The following RWDD2B variants were observed in gnomAD, a reference collection of about 807,000 sequenced individuals.
The protein encoded by RWDD2B is RWD domain containing 2B, also known as RWD domain-containing protein 2B.
RWDD2B carries 36 observed loss-of-function variants against 33.6 expected under a neutral mutation model. The ratio of observed to expected loss-of-function variants is 1.07; its 90% confidence interval spans 0.82 to 1.42. RWDD2B has a LOEUF of 1.42. RWDD2B is among the 40% of genes most tolerant of loss of function. The pLI, the probability that RWDD2B is intolerant of heterozygous loss-of-function variation, is 0.00. For missense variants in RWDD2B, 364 were observed against 377.5 expected, an observed-to-expected ratio of 0.96 and a Z score of 0.30; for synonymous variants, 126 against 133.1, an observed-to-expected ratio of 0.95 and a Z score of 0.37.
In RWDD2B at chr21:29,008,551, T is replaced by C. The variant is rs368936488; in HGVS notation, c.138A>G (p.Leu46=). The C allele has an allele frequency of 6.5e-5, 105 of 1,614,060 alleles. No individual in the cohort carries two copies. The highest frequency in any genetic ancestry group is 8.6e-5 in the Non-Finnish European group (102 of 1,180,034). The change falls in exon 2 of 5, where the codon CTA becomes CTG. Residue 46 remains leucine (L), a synonymous_variant. Coordinates refer to ENST00000493196, the MANE Select transcript of RWDD2B (RefSeq NM_016940.3). The part of the protein sequence containing the change: ...AEAQLAELDL[L]ASMFPGENEL... ...CATTCTCACCAGGGAACATACTGGC[T>C]AGCAGGTCTAACTCAGCAAGCTGGG...
intron 1 of RWDD2B, among the ~76,000 whole-genome samples, chr21:29,015,227 T>TTG (rs1555851678): frequency 3.1e-4 from 43 of 137,350 alleles, no homozygotes; most frequent in African/African-American, 1.1e-3. Context: ...ATGATGCGTT[T>TTG]TTTTTTTTTT....
rs1386615552 is a variant in RWDD2B, at chr21:29,015,232, T to TG, written c.67+3978_67+3979insC. ...AAGTTTGATTATGATGCGTTTTTTT[T>TG]TTTTTTTTTTTTTTTGAGATGGGAG... On this transcript the variant is annotated intron_variant, in intron 1 of 4. Coordinates refer to ENST00000493196, the MANE Select transcript of RWDD2B (RefSeq NM_016940.3). Among the ~76,000 whole-genome samples the TG allele has an allele frequency of 3.2e-4, 45 of 140,254 alleles. No homozygotes were observed. The Middle Eastern group carries it at 0.01, about 33-fold the overall frequency. The allele number at this position is 140,254 out of a possible 152,430, so 92.0% of individuals were successfully genotyped here. A position where few individuals can be genotyped will look rare whatever the true frequency, so the allele number is the denominator to read the frequency against.
intron 1 of RWDD2B, among the ~76,000 whole-genome samples, chr21:29,011,361 G>T (rs13048721): frequency 1.5e-4 from 22 of 146,240 alleles, no homozygotes; most frequent in Admixed American, 1.3e-3. Flanking sequence ...CCGGCCACCC[G>T]GTCTGAGAAG....
chr21:29,008,174 C>A, intron 3 of RWDD2B, 51 bp from the exon 4 acceptor site: 1 of 1,609,858 alleles, frequency 6.2e-7, no homozygotes, highest in Non-Finnish European at 8.5e-7. Flanking sequence ...AAAACAAATT[C>A]GAGAATTGCT....
chr21:29,007,992 T>C lies in RWDD2B; in HGVS notation c.494A>G (p.Tyr165Cys). 1 of 1,614,234 alleles carries C rather than the reference T, an allele frequency of 6.2e-7. No individual in the cohort carries two copies. The highest frequency in any genetic ancestry group is 8.5e-7 in the Non-Finnish European group (1 of 1,180,042). Reference sequence around the variant, plus strand: ...TGAAGATGAAGTATCTCTGCTGACATAGCCAGAGGCGTGTTCTCTAACCCA... The same window carrying C: ...TGAAGATGAAGTATCTCTGCTGACACAGCCAGAGGCGTGTTCTCTAACCCA... ...TEWVREHASG[Y>C]VSRDTSSSPT... The change falls in exon 4 of 5, where the codon TAT becomes TGT. Residue 165 changes from tyrosine to cysteine, a missense_variant. Coordinates refer to ENST00000493196, the MANE Select transcript of RWDD2B (RefSeq NM_016940.3).
chr21:29,007,204 G>A (rs563270109), intron 4 of RWDD2B, among the ~76,000 whole-genome samples: 1 of 152,354 alleles, frequency 6.6e-6, no homozygotes, highest in Non-Finnish European at 1.5e-5. Flanking sequence ...ATCCATGGAA[G>A]TGGATGGGGT....
At chr21:29,008,194 A>T (rs756171058) in intron 3 of RWDD2B, 46 bp downstream of exon 3, 2 of 1,609,592 alleles carry the variant, frequency 1.2e-6, no homozygotes, top group Non-Finnish European at 1.7e-6. Flanking sequence ...TTTTATTCTC[A>T]GATTAATTTT....
Position 29,005,203 on chromosome 21 carries a change from A to C in RWDD2B, c.*1214T>G, listed in dbSNP as rs1298106335. On this transcript the variant is annotated 3_prime_UTR_variant, in exon 5 of 5. Transcript: ENST00000493196. ...TACAATTTGCCAAACAAATTTTCTA[A>C]ATTACTAATTTGATGAATTGTTGAG... is the stretch of plus-strand genomic sequence containing the variant. 1.3e-5 allele frequency: 2 copies of C among 152,210 alleles called. No homozygotes were observed. The highest frequency in any genetic ancestry group is 4.8e-5 in the African/African-American group (2 of 41,442). 9.4% of individuals were successfully genotyped at this position (152,210 alleles called of 1,614,324 possible).
rs545483108 is a variant in RWDD2B, at chr21:29,017,543, C to T, written c.67+1668G>A. 5.3e-5 allele frequency among the ~76,000 whole-genome samples: 8 copies of T among 151,818 alleles called. No individual in the cohort carries two copies. The South Asian group carries it at 8.3e-4, about 16-fold the overall frequency. On this transcript the variant is annotated intron_variant, in intron 1 of 4. Coordinates refer to ENST00000493196, the MANE Select transcript of RWDD2B (RefSeq NM_016940.3). ...AGGAGAATCGCTTGAACTGGGGAGGCGGAGGTTGCAGTGAGCTAAGATCAT... is the reference window on the plus strand; with the variant it reads ...AGGAGAATCGCTTGAACTGGGGAGGTGGAGGTTGCAGTGAGCTAAGATCAT...
chr21:29,011,802 T>C (rs1210768340), intron 1 of RWDD2B, among the ~76,000 whole-genome samples: 9 of 102,162 alleles, frequency 8.8e-5, no homozygotes, highest in Admixed American at 4.1e-4. Context: ...CCGCCCCGTC[T>C]GGGAGGTGAG....
Position 29,004,944 on chromosome 21 carries a change from G to C in RWDD2B, c.*1473C>G, listed in dbSNP as rs1020551228. On this transcript the variant is annotated 3_prime_UTR_variant, in exon 5 of 5. Coordinates refer to ENST00000493196, the MANE Select transcript of RWDD2B (RefSeq NM_016940.3). ...CAACCTTTTACTAACTTAATGCATT[G>C]TCTCTCACCCCAACTCCATTCCTTA... is the stretch of plus-strand genomic sequence containing the variant. The C allele has an allele frequency of 1.3e-5, 2 of 152,080 alleles. No individual in the cohort carries two copies. 9.4% of individuals were successfully genotyped at this position (152,080 alleles called of 1,614,324 possible).
At chr21:29,009,392 G>GTT (rs11317441) in intron 1 of RWDD2B, among the ~76,000 whole-genome samples, 29 of 116,146 alleles carry the variant, frequency 2.5e-4, no homozygotes, top group African/African-American at 7.1e-4. Flanking sequence ...GCATTTATTA[G>GTT]TTTTTTTTTT....
Position 29,005,769 on chromosome 21 carries a change from C to T in RWDD2B, c.*648G>A, listed in dbSNP as rs11170. ...AAAAAAGCCTAGAAATTAAACAAAA[C>T]TGGTTTTATTTCATAAGATGTTTAG... is the stretch of plus-strand genomic sequence containing the variant. On this transcript the variant is annotated 3_prime_UTR_variant, in exon 5 of 5. Coordinates refer to ENST00000493196, the MANE Select transcript of RWDD2B (RefSeq NM_016940.3). The T allele has an allele frequency of 0.36, 55,114 of 152,018 alleles. 11,204 individuals are homozygous for T. Among genetic ancestry groups the T allele is most frequent in the South Asian group, 0.5 (2,389 of 4,818 alleles). The allele number at this position is 152,018 out of a possible 1,614,324, so 9.4% of individuals were successfully genotyped here.
At chr21:29,006,692 AT>A (rs1244565120) in intron 4 of RWDD2B, 41 bp from the exon 5 acceptor site, 1 of 1,142,772 alleles carries the variant, frequency 8.8e-7, no homozygotes, top group Admixed American at 2.4e-5. Flanking sequence ...CAAAATGTAT[AT>A]TCTAGAGCAT....
intron 1 of RWDD2B, among the ~76,000 whole-genome samples, chr21:29,010,620 T>TAA (rs757933131): frequency 2.2e-3 from 260 of 118,888 alleles, no homozygotes; most frequent in East Asian, 0.012. Flanking sequence ...AAAATAAAAA[T>TAA]AAAAAAAAAA....
intron 1 of RWDD2B, 83 bp downstream of exon 1, chr21:29,019,128 G>T: frequency 8.5e-7 from 1 of 1,178,568 alleles, no homozygotes; most frequent in Non-Finnish European, 1.2e-6. Flanking sequence ...TGCCGGGCAC[G>T]TTCCCAAAGG....
intron 1 of RWDD2B, among the ~76,000 whole-genome samples, chr21:29,016,507 A>G (rs1184444742): frequency 1.3e-5 from 2 of 148,662 alleles, no homozygotes; most frequent in African/African-American, 2.5e-5. Flanking sequence ...CAGGTGATTC[A>G]CCCGCCTTGG....
At chr21:29,014,959 A>T (rs2084882534) in intron 1 of RWDD2B, among the ~76,000 whole-genome samples, 1 of 152,160 alleles carries the variant, frequency 6.6e-6, no homozygotes. Context: ...TGCTGGTGAC[A>T]AATCTCCTAG....
At chr21:29,018,361 G>T (rs4564873) in intron 1 of RWDD2B, among the ~76,000 whole-genome samples, 136,678 of 152,278 alleles carry the variant, frequency 0.9, 61,628 homozygotes, top group African/African-American at 0.97. Context: ...TAAATAGAGA[G>T]GTCTAGCAGG....
Sources: allele counts gnomAD v4.1 joint callset (sites outside exome capture counted in the v4.1 genomes callset), GRCh38; gene constraint gnomAD v4.1.1; transcripts MANE v1.5; gene names NCBI Gene and HGNC (gene_info 2026-07-23, HGNC 2026-07-21).